Variants in TMEM63A observed in about 807,000 individuals in gnomAD.
TMEM63A encodes mechanosensitive cation channel TMEM63A.
In TMEM63A, 76 loss-of-function variants were observed where a neutral mutation model predicts 100.6. The ratio of observed to expected loss-of-function variants is 0.76; its 90% CI spans 0.63 to 0.91. The LOEUF is 0.91. Ranked by LOEUF, TMEM63A falls within the 40% of genes least tolerant of loss-of-function variation. The probability of loss-of-function intolerance (pLI) is 0.00; values close to 1 mark genes in which losing one functional copy is unlikely to be tolerated. For missense variants in TMEM63A, 876 were observed against 1,008.8 expected, an observed-to-expected ratio of 0.87 and a Z score of 1.78; for synonymous variants, 401 against 401.1, an observed-to-expected ratio of 1.00 and a Z score of 0.00.
chr1:225,868,005 C>T lies in TMEM63A; in HGVS notation c.397G>A (p.Gly133Arg), dbSNP rs771268658. 1.9e-6 allele frequency: 3 copies of T among 1,614,178 alleles called. No homozygotes were observed. The highest frequency in any genetic ancestry group is 2.5e-6 in the Non-Finnish European group (3 of 1,180,040). ...GACAGGTAGTGGATGGCGTCCTCCC[C>T]ACACCATTCCAGGATCTGGTCATCA... ...LHDDQILEWC[G>R]EDAIHYLSFQ... The change falls in exon 7 of 25, where the codon GGG becomes AGG. Residue 133 changes from glycine to arginine, a missense_variant. By Grantham distance (125) the Gly-to-Arg change is moderately radical. This residue lies in a region of TMEM63A where 487 missense variants were observed against 581.9 expected (regional missense o/e 0.84). Transcript: ENST00000366835.
At chr1:225,882,033 G>A (rs1671116580) in intron 1 of TMEM63A, among the ~76,000 whole-genome samples, 1 of 152,240 alleles carries the variant, frequency 6.6e-6, no homozygotes, top group Non-Finnish European at 1.5e-5. Context: ...AGAGGGGTGG[G>A]GAAGAAGGAG....
intron 22 of TMEM63A, 44 bp downstream of exon 22, chr1:225,848,853 T>C: frequency 1.4e-6 from 2 of 1,470,040 alleles, no homozygotes; most frequent in Non-Finnish European, 1.9e-6. Context: ...CCACCATCTG[T>C]TCCTCCCAGG....
chr1:225,880,602 T>G (rs1244225961), intron 1 of TMEM63A, among the ~76,000 whole-genome samples: 1 of 152,140 alleles, frequency 6.6e-6, no homozygotes, highest in Non-Finnish European at 1.5e-5. Context: ...CCAGAAATTC[T>G]CCATTCATCC....
intron 3 of TMEM63A, among the ~76,000 whole-genome samples, chr1:225,874,584 C>A (rs559787651): frequency 6.6e-6 from 1 of 152,242 alleles, no homozygotes; most frequent in South Asian, 2.1e-4. Flanking sequence ...CCTGTGCCCA[C>A]GCCACCAAGG....
chr1:225,850,526 G>C (rs1276788146), intron 20 of TMEM63A, among the ~76,000 whole-genome samples: 1 of 152,078 alleles, frequency 6.6e-6, no homozygotes, highest in Non-Finnish European at 1.5e-5. Context: ...TCATCCACTG[G>C]TGCATGATTG....
chr1:225,870,900 G>A (rs1670477536), intron 6 of TMEM63A, among the ~76,000 whole-genome samples, 176 bp downstream of exon 6: 1 of 152,100 alleles, frequency 6.6e-6, no homozygotes, highest in Non-Finnish European at 1.5e-5. Context: ...CTGACCCCAG[G>A]GGCTGCCTGG....
chr1:225,852,768 T>A lies in TMEM63A; in HGVS notation c.1799A>T (p.Asn600Ile). 1 of 1,613,968 alleles carries A rather than the reference T, an allele frequency of 6.2e-7. No homozygotes were observed. Among genetic ancestry groups the A allele is most frequent in the South Asian group, 1.1e-5 (1 of 91,080 alleles). The change falls in exon 20 of 25, where the codon AAC (asparagine) becomes ATC (isoleucine). Residue 600 changes from asparagine to isoleucine, a missense_variant and splice_region_variant. This residue lies in a region of TMEM63A where 339 missense variants were observed against 342.3 expected (regional missense o/e 0.99). Transcript: ENST00000366835. ...TAADRRNVKQ[N>I]QAFQYEFGAM... ...TCCAAACTCGTACTGGAAGGCCTGG[T>A]TCTGGGAGGAGGAGGTGGTGAGGAG...
intron 1 of TMEM63A, among the ~76,000 whole-genome samples, chr1:225,880,309 C>T (rs542399403): frequency 1.3e-5 from 2 of 152,282 alleles, no homozygotes; most frequent in Non-Finnish European, 2.9e-5. Context: ...GTCCAGATCC[C>T]CCTGAAACAG....
In TMEM63A at chr1:225,867,353, T is replaced by TA. The variant is rs2102630666; in HGVS notation, c.515-191dup. ...TGCTTGAAACCAAAATGCTCCCTGA[T>TA]AACTTCTCAACCTTCCATTGCAGGT... is the stretch of plus-strand genomic sequence containing the variant. On this transcript the variant is annotated intron_variant, in intron 7 of 24. Transcript: ENST00000366835. This position sits in a 1 kb window ranked among gnomAD's most constrained non-coding sequence, Gnocchi z 4.6. 6.6e-6 allele frequency among the ~76,000 whole-genome samples: 1 copy of TA among 152,298 alleles called. No homozygotes were observed. Among genetic ancestry groups the TA allele is most frequent in the Admixed American group, 6.5e-5 (1 of 15,300 alleles).
chr1:225,878,402 G>A (rs1670919432), intron 2 of TMEM63A, among the ~76,000 whole-genome samples: 1 of 152,172 alleles, frequency 6.6e-6, no homozygotes, highest in Non-Finnish European at 1.5e-5. Flanking sequence ...CCCTAGCTCT[G>A]CGCTTTCACA....
Position 225,867,131 on chromosome 1 carries a change from T to C in TMEM63A, c.547A>G (p.Ile183Val), listed in dbSNP as rs763397871. ...KDPYSFGRTT[I>V]ANLQTDNDLL... ...ACTCACTCAGTCTGTAGGTTTGCTA[T>C]TGTTGTCCTCCCAAAACTATACGGG... The change falls in exon 8 of 25, where the codon ATA (isoleucine) becomes GTA (valine). Residue 183 changes from isoleucine (I) to valine (V), a missense_variant. Coordinates refer to ENST00000366835, the MANE Select transcript of TMEM63A (RefSeq NM_014698.3). This position sits in a 1 kb window ranked among gnomAD's most constrained non-coding sequence, Gnocchi z 4.6. 1.3e-4 allele frequency: 217 copies of C among 1,614,016 alleles called. No homozygotes were observed. Among genetic ancestry groups the C allele is most frequent in the Non-Finnish European group, 1.8e-4 (210 of 1,180,006 alleles).
chr1:225,848,415 G>C (rs922943322), intron 23 of TMEM63A, 77 bp downstream of exon 23: 1 of 1,465,054 alleles, frequency 6.8e-7, no homozygotes, highest in African/African-American at 1.4e-5. Flanking sequence ...GATTTGCCGG[G>C]GCCCATCTGG....
intron 10 of TMEM63A, chr1:225,864,778 C>A (rs563540352): frequency 1.3e-5 from 2 of 152,220 alleles, no homozygotes; most frequent in African/African-American, 4.8e-5. Context: ...AGTTAAAGTG[C>A]AGCCAACTCC....
chr1:225,844,775 G>A (rs747498271), downstream of TMEM63A: 155 of 1,314,112 alleles, frequency 1.2e-4, no homozygotes, highest in Non-Finnish European at 1.3e-4. Context: ...ACTAAAGGTC[G>A]AGGTGTTTGG....
intron 23 of TMEM63A, 127 bp from the exon 24 acceptor site, chr1:225,847,340 C>T (rs1669065949): frequency 8.1e-7 from 1 of 1,231,704 alleles, no homozygotes; most frequent in Non-Finnish European, 1.1e-6. Flanking sequence ...GAAACACCGA[C>T]ATCCATTTAG....
chr1:225,847,163 CAG>C lies in TMEM63A; in HGVS notation c.2299_2300del (p.Leu767ValfsTer144). On this transcript the variant is annotated frameshift_variant, in exon 24 of 25. Coordinates refer to ENST00000366835, the MANE Select transcript of TMEM63A (RefSeq NM_014698.3). LOFTEE classifies it high-confidence loss of function. ...LNGLASERTA[L>X]SPQQQQQQTY... ...TCTGCTGCTGCTGCTGCTGCGGAGA[CAG>C]TGCTGTCCTCTCCGAGGCCAAGCCG... 1 of 1,613,464 alleles carries C rather than the reference CAG, an allele frequency of 6.2e-7. No individual in the cohort carries two copies. The highest frequency in any genetic ancestry group is 2.2e-5 in the East Asian group (1 of 44,880).
At position 225,847,070 on chromosome 1, in the gene TMEM63A, G is replaced by C. The variant is rs964963043; in HGVS notation, c.2394C>G (p.Gly798=). The change falls in exon 24 of 25, where the codon GGC becomes GGG. Residue 798 remains glycine (G), a synonymous_variant. Transcript: ENST00000366835. The stretch of plus-strand genomic sequence containing the variant: ...CCTCCTGGGGGGCAGCAGCCACACT[G>C]CCCGTGGCGCTCTGCGCCAAGCACT... ...PGQCLAQSAT[G]SVAAAPQEA The C allele has an allele frequency of 6.2e-7, 1 of 1,613,084 alleles. No homozygotes were observed. The highest frequency in any genetic ancestry group is 8.5e-7 in the Non-Finnish European group (1 of 1,179,756).
In TMEM63A at chr1:225,855,886, G is replaced by A. The variant is rs766086711; in HGVS notation, c.1626C>T (p.Ile542=). The part of the protein sequence containing the change: ...LFDKTSSEAS[I]RLECVFLPDQ... Reference sequence around the variant, plus strand: ...AACTTGGCAATACTCACTCCAACCTGATGGAGGCCTCCGAGGAAGTTTTGT... The same window carrying A: ...AACTTGGCAATACTCACTCCAACCTAATGGAGGCCTCCGAGGAAGTTTTGT... The change falls in exon 18 of 25, where the codon ATC becomes ATT. Residue 542 remains isoleucine, a synonymous_variant. Coordinates refer to ENST00000366835, the MANE Select transcript of TMEM63A (RefSeq NM_014698.3). 5 of 1,613,946 alleles carry A rather than the reference G, an allele frequency of 3.1e-6. No homozygotes were observed. Among genetic ancestry groups the A allele is most frequent in the Admixed American group, 3.3e-5 (2 of 59,988 alleles).
At chr1:225,843,377 G>A (rs1373306217), downstream of TMEM63A, among the ~76,000 whole-genome samples, 1 of 152,184 alleles carries the variant, frequency 6.6e-6, no homozygotes, top group African/African-American at 2.4e-5. Flanking sequence ...TTGTCCAGAG[G>A]CTGAAGCAGG....
Sources: allele counts gnomAD v4.1 joint callset (sites outside exome capture counted in the v4.1 genomes callset), GRCh38; gene constraint gnomAD v4.1.1; regional missense constraint gnomAD v4.1.1; non-coding constraint Gnocchi (gnomAD v3.1); transcripts MANE v1.5; gene names NCBI Gene and HGNC (gene_info 2026-07-23, HGNC 2026-07-21).